The following MIDEAS variants were observed in gnomAD, a reference collection of about 807,000 sequenced individuals.
MIDEAS encodes the protein mitotic deacetylase associated SANT domain protein, also known as mitotic deacetylase-associated SANT domain protein.
In MIDEAS, 26 loss-of-function variants were observed where a neutral mutation model predicts 102.7. That is an observed-to-expected ratio of 0.25 (90% confidence interval 0.19 to 0.35). MIDEAS has a LOEUF of 0.35. Ranked by LOEUF, MIDEAS falls within the 10% of genes least tolerant of loss-of-function variation. The pLI, the probability that MIDEAS is intolerant of heterozygous loss-of-function variation, is 1.00. For synonymous variants in MIDEAS, 585 were observed against 591.0 expected (o/e 0.99, Z 0.15); for missense variants, 1,231 against 1,435.6 (o/e 0.86, Z 2.30).
At position 73,725,674 on chromosome 14, in the gene MIDEAS, G is replaced by T. The variant is rs893857904; in HGVS notation, c.2486-314C>A. ...AAAACATTGGCTGTTAGGATTATGT[G>T]ACTCGGTCCATGTCCTTCTTAAAGT... On this transcript the variant is annotated intron_variant, in intron 8 of 12. Coordinates refer to ENST00000423556, the MANE Select transcript of MIDEAS (RefSeq NM_001367710.1). This position sits in a 1 kb window ranked among gnomAD's most constrained non-coding sequence, Gnocchi z 4.1. Among the ~76,000 whole-genome samples the T allele has an allele frequency of 6.6e-6, 1 of 152,198 alleles. No individual in the cohort carries two copies. Among genetic ancestry groups the T allele is most frequent in the Non-Finnish European group, 1.5e-5 (1 of 68,038 alleles).
intron 1 of MIDEAS, among the ~76,000 whole-genome samples, chr14:73,749,593 A>T (rs2053397180): frequency 6.8e-6 from 1 of 147,778 alleles, no homozygotes; most frequent in Non-Finnish European, 1.5e-5. Context: ...ATATATATAA[A>T]ATATATATAT....
At position 73,740,056 on chromosome 14, in the gene MIDEAS, C is replaced by G. The variant is rs777044686; in HGVS notation, c.-48G>C. On this transcript the variant is annotated 5_prime_UTR_variant, in exon 2 of 13. Transcript: ENST00000423556. ...CGGTGAGATCCCCTTCAACAGTCGC[C>G]CATCCCCTGGGGAAACGTCCTGCTG... is the stretch of plus-strand genomic sequence containing the variant. 4.2e-6 allele frequency: 6 copies of G among 1,425,984 alleles called. No homozygotes were observed. The African/African-American group carries it at 8.6e-5, about 21-fold the overall frequency. 88.3% of individuals were successfully genotyped at this position (1,425,984 alleles called of 1,614,324 possible).
upstream of MIDEAS, among the ~76,000 whole-genome samples, chr14:73,764,507 T>C (rs1595292331): frequency 6.6e-6 from 1 of 152,106 alleles, no homozygotes; most frequent in African/African-American, 2.4e-5. Flanking sequence ...CCAACGCTTC[T>C]CTCCCAGCCT....
At position 73,729,926 on chromosome 14, in the gene MIDEAS, C is replaced by A; in HGVS notation, c.1809G>T (p.Arg603=). Residue 603 remains arginine (R), a synonymous_variant, in exon 4 of 13, where the codon CGG becomes CGT. Transcript: ENST00000423556. The part of the protein sequence containing the change: ...GEPSVRKPKQ[R]PRPEPLIIPT... ...GGATGATGAGGGGCTCGGGCCTGGG[C>A]CGCTGCTTTGGTTTCCGCACGGAAG... is the stretch of plus-strand genomic sequence containing the variant. 1 of 1,607,820 alleles carries A rather than the reference C, an allele frequency of 6.2e-7. No homozygotes were observed.
chr14:73,773,139 C>T (rs2053657303), intron 1 of MIDEAS, among the ~76,000 whole-genome samples: 1 of 148,960 alleles, frequency 6.7e-6, no homozygotes, highest in Non-Finnish European at 1.5e-5. Flanking sequence ...CGCCTGGCTT[C>T]TCATACATTT....
intron 7 of MIDEAS, 49 bp downstream of exon 7, chr14:73,726,555 A>G: frequency 6.3e-7 from 1 of 1,576,720 alleles, no homozygotes; most frequent in South Asian, 1.1e-5. Flanking sequence ...CATGGATCCA[A>G]GCCAGCCCCC....
chr14:73,719,505 A>C lies in MIDEAS; in HGVS notation c.2938-4T>G, dbSNP rs774870706. 1 of 1,612,694 alleles carries C rather than the reference A, an allele frequency of 6.2e-7. No homozygotes were observed. The highest frequency in any genetic ancestry group is 1.7e-5 in the Admixed American group (1 of 59,900). ...GGAGGATGAGGATGTCACTGGCCTG[A>C]AGAAAATCAAACAAGGAGAGTTGAG... On this transcript the variant is annotated splice_region_variant and splice_polypyrimidine_tract_variant and intron_variant, in intron 11 of 12. Transcript: ENST00000423556.
At chr14:73,758,219 A>T (rs1391925889) in intron 1 of MIDEAS, among the ~76,000 whole-genome samples, 4 of 152,228 alleles carry the variant, frequency 2.6e-5, no homozygotes, top group African/African-American at 9.6e-5. Context: ...TGGAAAAGGA[A>T]GACCTACGAA....
chr14:73,762,606 C>T (rs2053563175), upstream of MIDEAS, among the ~76,000 whole-genome samples: 2 of 152,288 alleles, frequency 1.3e-5, no homozygotes, highest in Middle Eastern at 3.4e-3. Context: ...GCAGCGCTTC[C>T]GGGAAAGCCC....
At position 73,726,694 on chromosome 14, in the gene MIDEAS, C is replaced by T; in HGVS notation, c.2319G>A (p.Leu773=). 1 of 1,614,210 alleles carries T rather than the reference C, an allele frequency of 6.2e-7. No homozygotes were observed. The highest frequency in any genetic ancestry group is 8.5e-7 in the Non-Finnish European group (1 of 1,180,036). Residue 773 remains leucine (L), a synonymous_variant, in exon 7 of 13, where the codon CTG becomes CTA. Transcript: ENST00000423556. ...REKQRQVEDL[L]TAACSSIFPG... is the part of the protein sequence containing the mutation. Reference sequence around the variant, plus strand: ...GGAAAATGCTGGAGCAGGCGGCTGTCAGCAGGTCTTCCACTGGATCCACAG... The same window carrying T: ...GGAAAATGCTGGAGCAGGCGGCTGTTAGCAGGTCTTCCACTGGATCCACAG...
chr14:73,773,277 G>A (rs1187557849), intron 1 of MIDEAS, among the ~76,000 whole-genome samples: 7 of 151,816 alleles, frequency 4.6e-5, no homozygotes, highest in Admixed American at 1.3e-4. Flanking sequence ...GCTCCTCAGC[G>A]TCCCTGCTAT....
At position 73,759,289 on chromosome 14, in the gene MIDEAS, C is replaced by A. The variant is rs1287987484; in HGVS notation, c.-248+474G>T. ...GCGCCAAGTTCCCTCAGCTGGCTAG[C>A]CCCTCGCCGCGCCTTCCGGGCCTGG... On this transcript the variant is annotated intron_variant, in intron 1 of 12. Transcript: ENST00000423556. The surrounding 1 kb of genome is among the most constrained non-coding windows in gnomAD (Gnocchi z 6.7). 2.0e-5 allele frequency among the ~76,000 whole-genome samples: 3 copies of A among 152,154 alleles called. No homozygotes were observed. Among genetic ancestry groups the A allele is most frequent in the Admixed American group, 6.5e-5 (1 of 15,290 alleles).
At chr14:73,726,791 G>T in intron 6 of MIDEAS, 39 bp downstream of exon 6, 2 of 1,606,052 alleles carry the variant, frequency 1.2e-6, no homozygotes, top group Non-Finnish European at 1.7e-6. Context: ...GCCCACCCAT[G>T]TGCCTGCCCT....
intron 1 of MIDEAS, among the ~76,000 whole-genome samples, chr14:73,744,120 G>A (rs2053319036): frequency 6.6e-6 from 1 of 151,888 alleles, no homozygotes; most frequent in South Asian, 2.1e-4. Context: ...GGAAGGTGCT[G>A]GAAAGGCCTT....
At position 73,779,574 on chromosome 14, in the gene MIDEAS, T is replaced by TA. The variant is rs1248961608; in HGVS notation, c.-248+7527_-248+7528insT. ...AATTTGTTTATTATTATTATTATTA[T>TA]TTTTTTTTTTTTTTGAGACGGAGTC... On this transcript the variant is annotated intron_variant, in intron 1 of 11. Transcript: ENST00000394071. Among the ~76,000 whole-genome samples, 224 of 107,192 alleles carry TA rather than the reference T, an allele frequency of 2.1e-3. 5 individuals carry two copies. Among genetic ancestry groups the TA allele is most frequent in the South Asian group, 4.8e-3 (17 of 3,510 alleles). 70.3% of individuals were successfully genotyped at this position (107,192 alleles called of 152,430 possible).
chr14:73,749,445 A>G (rs918660795), intron 1 of MIDEAS, among the ~76,000 whole-genome samples: 1 of 151,108 alleles, frequency 6.6e-6, no homozygotes, highest in Non-Finnish European at 1.5e-5. Context: ...CTGAGGCAGG[A>G]GGATTGCTCG....
chr14:73,774,032 A>G (rs1272835194), intron 1 of MIDEAS, among the ~76,000 whole-genome samples: 2 of 151,570 alleles, frequency 1.3e-5, no homozygotes, highest in African/African-American at 4.8e-5. Context: ...AAAAAAAAAA[A>G]AAAAAAGAAA....
rs1194685129 is a variant in MIDEAS at position 73,729,897 on chromosome 14, G to A, written c.1838C>T (p.Thr613Ile). 6.2e-7 allele frequency: 1 copy of A among 1,613,098 alleles called. No homozygotes were observed. ...RPRPEPLIIP[T>I]KAGTFIAPPV... The stretch of plus-strand genomic sequence containing the variant: ...AGGGGCGATGAAAGTGCCCGCCTTG[G>A]TGGGGATGATGAGGGGCTCGGGCCT... The change falls in exon 4 of 13, where the codon ACC becomes ATC. Residue 613 changes from threonine (T) to isoleucine (I), a missense_variant. Physicochemically the swap from Thr to Ile is moderately conservative, Grantham distance 89 (BLOSUM62 -1). Transcript: ENST00000423556.
rs746713002 is a variant in MIDEAS at position 73,726,861 on chromosome 14, G to A, written c.2274C>T (p.Asp758=). 1.4e-4 allele frequency: 228 copies of A among 1,612,344 alleles called. No individual in the cohort carries two copies. The highest frequency in any genetic ancestry group is 1.9e-4 in the Non-Finnish European group (219 of 1,178,738). ...TCTGCTTCTCCCGGCTGCTCTCTAG[G>A]TCCTCCCATGGCTGCCACACCAAGT... The part of the protein sequence containing the change: ...KADLVWQPWE[D]LESSREKQRQ... The change falls in exon 6 of 13, where the codon GAC becomes GAT. Residue 758 remains aspartate (D), a synonymous_variant. Coordinates refer to ENST00000423556, the MANE Select transcript of MIDEAS (RefSeq NM_001367710.1).
Sources: gnomAD v4.1 joint callset for allele counts (sites outside exome capture counted in the v4.1 genomes callset) on GRCh38, gnomAD v4.1.1 for gene constraint, Gnocchi (gnomAD v3.1) non-coding constraint, MANE v1.5 for transcripts, NCBI Gene and HGNC (gene_info 2026-07-23, HGNC 2026-07-21) for gene names.